Variants in SAMD12 observed in about 807,000 individuals in gnomAD.
The protein encoded by SAMD12 is sterile alpha motif domain containing 12, also known as sterile alpha motif domain-containing protein 12.
In SAMD12, 9 loss-of-function variants were observed where a neutral mutation model predicts 15.0. The observed-to-expected ratio is 0.60, with a 90% confidence interval of 0.36 to 1.05. The LOEUF (loss-of-function observed/expected upper bound fraction) is 1.05. Among genes scored for constraint, SAMD12 ranks in the 50% least tolerant of loss-of-function variants. SAMD12 has a pLI of 0.01. For missense variants in SAMD12, 230 were observed against 234.2 expected, an observed-to-expected ratio of 0.98 and a Z score of 0.12; for synonymous variants, 86 against 90.1, an observed-to-expected ratio of 0.96 and a Z score of 0.25.
chr8:118,239,212 C>T (rs572115600), intron 4 of SAMD12, among the ~76,000 whole-genome samples: 72 of 152,152 alleles, frequency 4.7e-4, no homozygotes, highest in Non-Finnish European at 8.8e-4. Flanking sequence ...CTAGTACATA[C>T]AAAGCTCTAC....
At chr8:118,532,196 A>G (rs1011816818) in intron 2 of SAMD12, among the ~76,000 whole-genome samples, 1 of 152,120 alleles carries the variant, frequency 6.6e-6, no homozygotes, top group African/African-American at 2.4e-5. Flanking sequence ...TGAAATAATC[A>G]TGTGGTTTTT....
chr8:118,406,414 C>T (rs1821131681), intron 3 of SAMD12, among the ~76,000 whole-genome samples: 2 of 152,068 alleles, frequency 1.3e-5, no homozygotes, highest in African/African-American at 2.4e-5. Flanking sequence ...GCTGGGATTA[C>T]AGGTGCCAAC....
intron 4 of SAMD12, among the ~76,000 whole-genome samples, chr8:118,226,416 G>A (rs1812189757): frequency 6.6e-6 from 1 of 152,128 alleles, no homozygotes; most frequent in Non-Finnish European, 1.5e-5. Context: ...TAAACCAAAA[G>A]CATCAGATGG....
intron 4 of SAMD12, among the ~76,000 whole-genome samples, chr8:118,328,024 T>C (rs1262016951): frequency 1.3e-5 from 2 of 152,254 alleles, no homozygotes; most frequent in Non-Finnish European, 2.9e-5. Flanking sequence ...TATAATAATG[T>C]AACAAACAGT....
At position 118,378,557 on chromosome 8, in the gene SAMD12, T is replaced by C. The variant is rs955125175; in HGVS notation, c.*860A>G. ...TTATTTCCTCTAGGCAAATGGACTA[T>C]TACTAGGTTAATCTAAATGCAATAA... is the stretch of plus-strand genomic sequence containing the variant. On this transcript the variant is annotated 3_prime_UTR_variant, in exon 4 of 4. Transcript: ENST00000314727. The C allele has an allele frequency of 7.1e-6, 7 of 985,014 alleles. No homozygotes were observed. Among genetic ancestry groups the C allele is most frequent in the African/African-American group, 1.7e-5 (1 of 57,236 alleles). The allele number at this position is 985,014 out of a possible 1,614,324, so 61.0% of individuals were successfully genotyped here. A position where few individuals can be genotyped will look rare whatever the true frequency, so the allele number is the denominator to read the frequency against.
chr8:118,361,545 C>T (rs1347043708), intron 4 of SAMD12, among the ~76,000 whole-genome samples: 3 of 152,110 alleles, frequency 2.0e-5, no homozygotes, highest in Non-Finnish European at 4.4e-5. Flanking sequence ...AACTTTGCAT[C>T]ATCAATTAGC....
At position 118,454,531 on chromosome 8, in the gene SAMD12, C is replaced by CT. The variant is rs1823183584; in HGVS notation, c.193-14571dup. Among the ~76,000 whole-genome samples, 3 of 152,280 alleles carry CT rather than the reference C, an allele frequency of 2.0e-5. 1 individual carries two copies. The highest frequency in any genetic ancestry group is 7.2e-5 in the African/African-American group (3 of 41,562). On this transcript the variant is annotated intron_variant, in intron 2 of 3. Coordinates refer to ENST00000314727, the MANE Select transcript of SAMD12 (RefSeq NM_207506.3). Reference sequence around the variant, plus strand: ...TAGTTTTTAAAGTATATTCCCTACTCTGTTTACTCTGCTCTCTTTTCTAGA... The same window carrying CT: ...TAGTTTTTAAAGTATATTCCCTACTCTTGTTTACTCTGCTCTCTTTTCTAGA...
chr8:118,191,621 C>T (rs1263622066), exon 5 of SAMD12: 4 of 150,674 alleles, frequency 2.7e-5, no homozygotes, highest in Non-Finnish European at 5.9e-5. Context: ...GAAAACATAA[C>T]CTTGGTCCTC....
intron 1 of SAMD12, among the ~76,000 whole-genome samples, chr8:118,589,519 T>C (rs956407373): frequency 1.3e-4 from 20 of 152,196 alleles, no homozygotes; most frequent in Non-Finnish European, 2.6e-4. Context: ...ATTAAAATAA[T>C]GCTTAACTTA....
At chr8:118,260,567 C>T (rs2130061142) in intron 4 of SAMD12, among the ~76,000 whole-genome samples, 1 of 152,214 alleles carries the variant, frequency 6.6e-6, no homozygotes, top group South Asian at 2.1e-4. Context: ...TTCTGCCTTG[C>T]TGCATGCCCT....
intron 3 of SAMD12, among the ~76,000 whole-genome samples, chr8:118,430,099 T>C (rs983143980): frequency 6.6e-6 from 1 of 152,212 alleles, no homozygotes; most frequent in Non-Finnish European, 1.5e-5. Context: ...TGTCAAATGC[T>C]TTCTCTGCAT....
chr8:118,318,532 A>C (rs1586512925), intron 4 of SAMD12, among the ~76,000 whole-genome samples: 1 of 151,938 alleles, frequency 6.6e-6, no homozygotes, highest in South Asian at 2.1e-4. Context: ...ACACAGAAGC[A>C]TACAGAATGA....
intron 2 of SAMD12, among the ~76,000 whole-genome samples, chr8:118,561,369 T>C (rs996509131): frequency 4.6e-5 from 7 of 152,226 alleles, no homozygotes; most frequent in Non-Finnish European, 7.4e-5. Flanking sequence ...TTTATAAATA[T>C]ACAAAACTTT....
In SAMD12 at chr8:118,503,804, T is replaced by C. The variant is rs569606021; in HGVS notation, c.193-63843A>G. Among the ~76,000 whole-genome samples, 154 of 152,104 alleles carry C rather than the reference T, an allele frequency of 1.0e-3. 2 individuals carry two copies. The Middle Eastern group carries it at 0.017, about 17-fold the overall frequency. On this transcript the variant is annotated intron_variant, in intron 2 of 3. Transcript: ENST00000314727. ...GGCGAAATCCAGTTAAAATAAACAC[T>C]CAAAGCAGAACTAAAAGAAAAATTA... is the stretch of plus-strand genomic sequence containing the variant.
intron 4 of SAMD12, among the ~76,000 whole-genome samples, chr8:118,249,150 A>G (rs978974753): frequency 1.3e-5 from 2 of 152,138 alleles, no homozygotes; most frequent in African/African-American, 4.8e-5. Context: ...TGTGGATTCA[A>G]TGTAGTATTT....
At chr8:118,300,423 T>A (rs1334675592) in intron 4 of SAMD12, among the ~76,000 whole-genome samples, 1 of 152,182 alleles carries the variant, frequency 6.6e-6, no homozygotes, top group Non-Finnish European at 1.5e-5. Flanking sequence ...CCATCTTCAA[T>A]ACATGGCCTT....
chr8:118,217,497 G>A (rs1400220429), intron 4 of SAMD12, among the ~76,000 whole-genome samples: 2 of 152,136 alleles, frequency 1.3e-5, no homozygotes, highest in Admixed American at 6.6e-5. Flanking sequence ...GAAATATTTG[G>A]AAGAAAAGAC....
chr8:118,578,007 CT>C (rs1032994168), intron 2 of SAMD12, among the ~76,000 whole-genome samples: 2 of 152,184 alleles, frequency 1.3e-5, no homozygotes, highest in East Asian at 3.8e-4. Context: ...TAAAAGTTTT[CT>C]CCGTAATTTT....
At chr8:118,214,208 T>C (rs1034393761) in intron 4 of SAMD12, among the ~76,000 whole-genome samples, 2 of 152,212 alleles carry the variant, frequency 1.3e-5, no homozygotes, top group Admixed American at 6.5e-5. Flanking sequence ...ATCGTGTCGA[T>C]AGAATAAAAT....
Sources: allele counts gnomAD v4.1 joint callset (sites outside exome capture counted in the v4.1 genomes callset), GRCh38; gene constraint gnomAD v4.1.1; transcripts MANE v1.5; gene names NCBI Gene and HGNC (gene_info 2026-07-23, HGNC 2026-07-21).